UNC5C: variants seen among roughly 807,000 people sequenced by gnomAD.
The protein encoded by UNC5C is netrin receptor UNC5C.
Under a neutral mutation model 99.8 loss-of-function variants are expected in UNC5C, and 47 were observed. The ratio of observed to expected loss-of-function variants is 0.47; its 90% CI spans 0.37 to 0.60. The LOEUF is 0.60. Ranked by LOEUF, UNC5C falls within the 20% of genes least tolerant of loss-of-function variation. UNC5C has a pLI of 0.00. For missense variants in UNC5C, 1,062 were observed against 1,165.9 expected (o/e 0.91, Z 1.30); for synonymous variants, 487 against 452.2 (o/e 1.08, Z -0.98).
intron 1 of UNC5C, among the ~76,000 whole-genome samples, chr4:95,445,052 A>G (rs1464560763): frequency 6.6e-6 from 1 of 152,150 alleles, no homozygotes; most frequent in East Asian, 1.9e-4. Context: ...GGAGAGCGCG[A>G]ATCCAATTAA....
chr4:95,176,592 T>C (rs965313631), intron 14 of UNC5C, among the ~76,000 whole-genome samples: 2 of 152,124 alleles, frequency 1.3e-5, no homozygotes, highest in African/African-American at 4.8e-5. Flanking sequence ...GGAGGCAGTC[T>C]GCCCGTTCTC....
At chr4:95,344,658 T>C (rs528825502) in intron 1 of UNC5C, among the ~76,000 whole-genome samples, 1 of 152,080 alleles carries the variant, frequency 6.6e-6, no homozygotes, top group African/African-American at 2.4e-5. Context: ...GACAGTACAA[T>C]AAAGAATAAA....
intron 7 of UNC5C, among the ~76,000 whole-genome samples, chr4:95,241,350 T>G (rs959773999): frequency 2.0e-5 from 3 of 152,260 alleles, no homozygotes; most frequent in African/African-American, 7.2e-5. Flanking sequence ...TATTGGATTT[T>G]TATTCTGTGT....
intron 1 of UNC5C, among the ~76,000 whole-genome samples, chr4:95,446,163 T>C (rs939990429): frequency 1.3e-5 from 2 of 152,146 alleles, no homozygotes; most frequent in Non-Finnish European, 2.9e-5. Flanking sequence ...TTAATCTGAT[T>C]TACTATGATA....
intron 1 of UNC5C, among the ~76,000 whole-genome samples, chr4:95,361,376 GT>G (rs1744387895): frequency 6.6e-6 from 1 of 152,140 alleles, no homozygotes; most frequent in Non-Finnish European, 1.5e-5. Flanking sequence ...TTCAACTCAA[GT>G]TCTTGTGAAA....
intron 1 of UNC5C, among the ~76,000 whole-genome samples, chr4:95,502,378 C>T (rs901255994): frequency 1.3e-5 from 2 of 152,186 alleles, no homozygotes; most frequent in African/African-American, 4.8e-5. Flanking sequence ...AATCGATCCT[C>T]CCCTTTCGGC....
At chr4:95,490,156 C>T (rs1038952630) in intron 1 of UNC5C, among the ~76,000 whole-genome samples, 2 of 151,320 alleles carry the variant, frequency 1.3e-5, no homozygotes, top group African/African-American at 4.8e-5. Context: ...AAAAGGGAAG[C>T]GGAACACGAT....
At chr4:95,260,003 T>C (rs1461300771) in intron 4 of UNC5C, among the ~76,000 whole-genome samples, 1 of 152,142 alleles carries the variant, frequency 6.6e-6, no homozygotes, top group Non-Finnish European at 1.5e-5. Flanking sequence ...CCCTTATCCA[T>C]GTCCCTAAGA....
chr4:95,438,930 G>A (rs1345657567), intron 1 of UNC5C, among the ~76,000 whole-genome samples: 4 of 152,078 alleles, frequency 2.6e-5, no homozygotes, highest in Admixed American at 2.6e-4. Flanking sequence ...TAATCATTGA[G>A]GAAACCCATC....
intron 2 of UNC5C, among the ~76,000 whole-genome samples, chr4:95,327,298 C>T (rs1742924234): frequency 6.6e-6 from 1 of 152,050 alleles, no homozygotes; most frequent in Admixed American, 6.6e-5. Context: ...AATTTCTCCA[C>T]CAATATTTGT....
chr4:95,488,876 G>A (rs779382001), intron 1 of UNC5C, among the ~76,000 whole-genome samples: 6 of 151,704 alleles, frequency 4.0e-5, no homozygotes, highest in Admixed American at 1.3e-4. Context: ...AACTATGCGT[G>A]CTCTCTAGCT....
At chr4:95,312,390 C>T (rs1416505351) in intron 2 of UNC5C, among the ~76,000 whole-genome samples, 1 of 152,068 alleles carries the variant, frequency 6.6e-6, no homozygotes, top group African/African-American at 2.4e-5. Flanking sequence ...ATGATCTGTA[C>T]ATATATATAG....
intron 6 of UNC5C, among the ~76,000 whole-genome samples, chr4:95,243,919 C>A (rs190473193): frequency 6.6e-6 from 1 of 152,202 alleles, no homozygotes; most frequent in African/African-American, 2.4e-5. Flanking sequence ...AAAACAAAAT[C>A]TGAAATTTTA....
At chr4:95,502,504 T>TTAAAC (rs1721800765) in intron 1 of UNC5C, among the ~76,000 whole-genome samples, 1 of 152,116 alleles carries the variant, frequency 6.6e-6, no homozygotes, top group African/African-American at 2.4e-5. Context: ...AACTCCTGGC[T>TTAAAC]TCAAGCCGGC....
At chr4:95,394,024 C>T (rs1470448852) in intron 1 of UNC5C, among the ~76,000 whole-genome samples, 2 of 152,024 alleles carry the variant, frequency 1.3e-5, no homozygotes, top group African/African-American at 4.8e-5. Flanking sequence ...AGATGTATGG[C>T]TGGGTAGCTA....
At chr4:95,472,947 T>C (rs762605822) in intron 1 of UNC5C, among the ~76,000 whole-genome samples, 2 of 152,122 alleles carry the variant, frequency 1.3e-5, no homozygotes, top group Non-Finnish European at 2.9e-5. Context: ...AAGCTGTCGT[T>C]TATTTGTAGC....
At chr4:95,329,647 A>G (rs2149417729) in intron 2 of UNC5C, among the ~76,000 whole-genome samples, 1 of 152,260 alleles carries the variant, frequency 6.6e-6, no homozygotes, top group East Asian at 1.9e-4. Context: ...TCGATTTTCT[A>G]TTCGGTTGCT....
At chr4:95,516,998 T>C (rs536253753) in intron 1 of UNC5C, among the ~76,000 whole-genome samples, 95 of 152,214 alleles carry the variant, frequency 6.2e-4, no homozygotes, top group Non-Finnish European at 4.4e-5. Context: ...CTGGGAAGGA[T>C]GTGTTCATGG....
intron 14 of UNC5C, among the ~76,000 whole-genome samples, chr4:95,179,758 A>G (rs1449202474): frequency 1.3e-5 from 2 of 151,474 alleles, no homozygotes; most frequent in East Asian, 1.9e-4. Flanking sequence ...AAAAAAAAAA[A>G]AAAAAAAGAA....
Sources: allele counts gnomAD v4.1 joint callset (sites outside exome capture counted in the v4.1 genomes callset), GRCh38; gene constraint gnomAD v4.1.1; transcripts MANE v1.5; gene names NCBI Gene and HGNC (gene_info 2026-07-23, HGNC 2026-07-21).